The following POU2F3 variants were observed in gnomAD, a reference collection of about 807,000 sequenced individuals.
POU2F3 encodes POU domain, class 2, transcription factor 3.
A neutral mutation model predicts 59.2 loss-of-function variants in POU2F3; 23 were observed. The ratio of observed to expected loss-of-function variants is 0.39; its 90% CI spans 0.28 to 0.55. The LOEUF (loss-of-function observed/expected upper bound fraction) is 0.55. Among genes scored for constraint, POU2F3 ranks in the 20% least tolerant of loss-of-function variants. The pLI is 0.66. For synonymous variants in POU2F3, 190 were observed against 214.6 expected (o/e 0.89, Z 1.00); for missense variants, 473 against 544.5 (o/e 0.87, Z 1.31).
chr11:120,293,283 A>T (rs1164268229), intron 3 of POU2F3, among the ~76,000 whole-genome samples: 2 of 152,078 alleles, frequency 1.3e-5, no homozygotes, highest in African/African-American at 4.8e-5. Context: ...GGAGCCTTGG[A>T]CTCCTAAGGA....
Position 120,240,216 on chromosome 11 carries a change from C to T in POU2F3, c.-128C>T, listed in dbSNP as rs1938600654. ...CGCGCGACAGTGGCGGCGACGGCTC[C>T]GGCAGCGGCTCCCGCGGCGGCGGCG... is the stretch of plus-strand genomic sequence containing the variant. On this transcript the variant is annotated 5_prime_UTR_variant, in exon 1 of 13. Coordinates refer to ENST00000543440, the MANE Select transcript of POU2F3 (RefSeq NM_014352.4). The T allele has an allele frequency of 8.0e-7, 1 of 1,244,336 alleles. No homozygotes were observed. Among genetic ancestry groups the T allele is most frequent in the Non-Finnish European group, 1.0e-6 (1 of 987,772 alleles). 77.1% of individuals were successfully genotyped at this position (1,244,336 alleles called of 1,614,324 possible). A position where few individuals can be genotyped will look rare whatever the true frequency, so the allele number is the denominator to read the frequency against.
intron 10 of POU2F3, among the ~76,000 whole-genome samples, chr11:120,310,373 C>T (rs147856621): frequency 6.6e-6 from 1 of 152,172 alleles, no homozygotes; most frequent in East Asian, 1.9e-4. Flanking sequence ...ATGAAAACTG[C>T]AGGAAGAGCA....
In POU2F3 at chr11:120,302,362, A is replaced by C; in HGVS notation, c.438A>C (p.Ala146=). The change falls in exon 6 of 13, where the codon GCA becomes GCC. Residue 146 remains alanine (A), a synonymous_variant. Coordinates refer to ENST00000543440, the MANE Select transcript of POU2F3 (RefSeq NM_014352.4). The part of the protein sequence containing the change: ...LLLPQTGPGL[A]SQAFGHPGLP... ...TCCCACAGACTGGGCCGGGACTGGC[A>C]TCCCAGGTAAACAACCCCATTCTTC... The C allele has an allele frequency of 6.2e-7, 1 of 1,601,524 alleles. No homozygotes were observed. The highest frequency in any genetic ancestry group is 1.1e-5 in the South Asian group (1 of 90,770).
At chr11:120,304,944 A>AAC in intron 6 of POU2F3, 86 bp from the exon 7 acceptor site, 2 of 274,868 alleles carry the variant, frequency 7.3e-6, no homozygotes, top group Non-Finnish European at 5.2e-6. Context: ...CCTATTAGTA[A>AAC]AAAAAAAAAA....
chr11:120,277,754 C>T (rs1940395566), intron 3 of POU2F3, among the ~76,000 whole-genome samples: 1 of 152,112 alleles, frequency 6.6e-6, no homozygotes, highest in South Asian at 2.1e-4. Flanking sequence ...TGCACTCCAG[C>T]ATGGGCAGCA....
At chr11:120,276,830 A>G (rs1177986680) in intron 3 of POU2F3, among the ~76,000 whole-genome samples, 1 of 152,058 alleles carries the variant, frequency 6.6e-6, no homozygotes, top group Non-Finnish European at 1.5e-5. Context: ...AGGCACAGAT[A>G]GAGCCGGCAG....
chr11:120,305,490 C>T, intron 7 of POU2F3, 154 bp from the exon 8 acceptor site: 1 of 1,231,400 alleles, frequency 8.1e-7, no homozygotes, highest in Non-Finnish European at 1.1e-6. Context: ...GATTCTTCAC[C>T]TTAGAGGGAG....
At chr11:120,258,074 C>G (rs1009284207) in intron 2 of POU2F3, among the ~76,000 whole-genome samples, 3 of 152,136 alleles carry the variant, frequency 2.0e-5, no homozygotes, top group African/African-American at 7.2e-5. Context: ...GATAGCATCT[C>G]TAGGTGTAAG....
At chr11:120,304,977 A>AAAAT in intron 6 of POU2F3, 53 bp from the exon 7 acceptor site, 1 of 1,138,522 alleles carries the variant, frequency 8.8e-7, no homozygotes, top group Non-Finnish European at 1.2e-6. Context: ...AAAAATCAGA[A>AAAAT]AATGTTATTT....
intron 2 of POU2F3, among the ~76,000 whole-genome samples, chr11:120,264,575 TG>T (rs1008517638): frequency 7.2e-5 from 11 of 152,044 alleles, no homozygotes; most frequent in Non-Finnish European, 1.3e-4. Context: ...CTCCACCTTT[TG>T]GGGGGGTGGT....
rs746321175 is a variant in POU2F3 at position 120,240,414 on chromosome 11, G to T, written c.28+43G>T. The T allele has an allele frequency of 5.9e-6, 8 of 1,353,650 alleles. No individual in the cohort carries two copies. In the East Asian group the frequency reaches 2.0e-4, roughly 33 times the overall value. The allele number at this position is 1,353,650 out of a possible 1,614,324, so 83.9% of individuals were successfully genotyped here. On this transcript the variant is annotated intron_variant, in intron 1 of 12. Transcript: ENST00000543440. ...TGAGCTCTGACAGGTGTCACTGCGCGTGGGCAGGGGTGAAGGAGAGGGACA... is the reference window on the plus strand; with the variant it reads ...TGAGCTCTGACAGGTGTCACTGCGCTTGGGCAGGGGTGAAGGAGAGGGACA...
chr11:120,263,273 AC>A (rs1462506428), intron 2 of POU2F3, among the ~76,000 whole-genome samples: 1 of 152,156 alleles, frequency 6.6e-6, no homozygotes, highest in Non-Finnish European at 1.5e-5. Context: ...TACAGGCGTG[AC>A]CCACCGCGCC....
At position 120,245,748 on chromosome 11, in the gene POU2F3, C is replaced by T. The variant is rs188029086; in HGVS notation, c.29-701C>T. The stretch of plus-strand genomic sequence containing the variant: ...CAGGACTTGGGGGCTGAGCCAGGGG[C>T]CTGGTGTAGGTATTCTCTTTCTGTG... On this transcript the variant is annotated intron_variant, in intron 1 of 12. Transcript: ENST00000543440. Among the ~76,000 whole-genome samples, 4 of 152,246 alleles carry T rather than the reference C, an allele frequency of 2.6e-5. No homozygotes were observed. In the East Asian group the frequency reaches 5.8e-4, roughly 22 times the overall value.
At chr11:120,242,558 G>C (rs1431450499) in intron 1 of POU2F3, among the ~76,000 whole-genome samples, 3 of 152,164 alleles carry the variant, frequency 2.0e-5, no homozygotes, top group African/African-American at 7.2e-5. Flanking sequence ...GGTCCTTGGG[G>C]TCTCCTCCTT....
Position 120,288,810 on chromosome 11 carries a change from CGCACATGTATGTATTACATAT to C in POU2F3, c.133-9453_133-9433del, listed in dbSNP as rs752234803. On this transcript the variant is annotated intron_variant, in intron 3 of 12. Transcript: ENST00000543440. ...CATACGCACATGTATGTATTACATA[CGCACATGTATGTATTACATAT>C]GTACATGTATGTAATACATACATGT... 7.4e-3 allele frequency among the ~76,000 whole-genome samples: 1,127 copies of C among 152,098 alleles called. 18 individuals carry two copies. Among genetic ancestry groups the C allele is most frequent in the African/African-American group, 0.025 (1,051 of 41,446 alleles).
chr11:120,291,753 AC>A (rs2135264456), intron 3 of POU2F3, among the ~76,000 whole-genome samples: 1 of 152,252 alleles, frequency 6.6e-6, no homozygotes, highest in East Asian at 1.9e-4. Context: ...AAGCATACTT[AC>A]ATGCTTATAA....
chr11:120,300,216 G>C lies in POU2F3; in HGVS notation c.361+490G>C, dbSNP rs376172981. 1.3e-5 allele frequency among the ~76,000 whole-genome samples: 2 copies of C among 152,310 alleles called. 1 individual carries two copies. On this transcript the variant is annotated intron_variant, in intron 5 of 12. Coordinates refer to ENST00000543440, the MANE Select transcript of POU2F3 (RefSeq NM_014352.4). ...CTTTGGCAGGGAAGTTACTCGCAGA[G>C]AACTTCTCCCTGGCCAAGAGCAAAT... is the stretch of plus-strand genomic sequence containing the variant.
rs142785649 is a variant in POU2F3, at chr11:120,289,594, T to G, written c.133-8671T>G. Among the ~76,000 whole-genome samples, 696 of 152,280 alleles carry G rather than the reference T, an allele frequency of 4.6e-3. 3 individuals are homozygous for G. Among genetic ancestry groups the G allele is most frequent in the African/African-American group, 0.016 (656 of 41,552 alleles). ...CCCTACAGCAGCAGTCCCAAATTGC[T>G]GGTAGATCCTGAACAGGAAGAGAAA... is the stretch of plus-strand genomic sequence containing the variant. On this transcript the variant is annotated intron_variant, in intron 3 of 12. Transcript: ENST00000543440.
At chr11:120,278,329 C>T (rs973913399) in intron 3 of POU2F3, among the ~76,000 whole-genome samples, 5 of 152,116 alleles carry the variant, frequency 3.3e-5, no homozygotes. Context: ...GCAAACCACG[C>T]CTCCTAATTA....
Sources: allele counts gnomAD v4.1 joint callset (sites outside exome capture counted in the v4.1 genomes callset), GRCh38; gene constraint gnomAD v4.1.1; transcripts MANE v1.5; gene names NCBI Gene and HGNC (gene_info 2026-07-23, HGNC 2026-07-21).